Variants in PCSK5 observed in about 807,000 individuals in gnomAD.
PCSK5 encodes proprotein convertase subtilisin/kexin type 5.
Under a neutral mutation model 233.2 loss-of-function variants are expected in PCSK5, and 129 were observed. The ratio of observed to expected loss-of-function variants is 0.55; its 90% confidence interval spans 0.48 to 0.64. The LOEUF is 0.64. PCSK5 is among the 30% of genes least tolerant of loss of function. The pLI is 0.00. For synonymous variants in PCSK5, 825 were observed against 879.2 expected (o/e 0.94, Z 1.09); for missense variants, 2,076 against 2,430.1 (o/e 0.85, Z 3.06).
At chr9:76,318,976 C>T (rs1236056962) in intron 30 of PCSK5, among the ~76,000 whole-genome samples, 1 of 152,152 alleles carries the variant, frequency 6.6e-6, no homozygotes, top group Non-Finnish European at 1.5e-5. Context: ...TCAAACCAAT[C>T]AAATTCACAA....
At chr9:76,060,691 C>G (rs1440287329) in intron 5 of PCSK5, among the ~76,000 whole-genome samples, 1 of 152,084 alleles carries the variant, frequency 6.6e-6, no homozygotes, top group Non-Finnish European at 1.5e-5. Flanking sequence ...GATGAGTAAT[C>G]AGAGTTGAAT....
intron 1 of PCSK5, among the ~76,000 whole-genome samples, chr9:75,894,774 A>T (rs1825743065): frequency 6.6e-6 from 1 of 152,146 alleles, no homozygotes; most frequent in Non-Finnish European, 1.5e-5. Flanking sequence ...ACGGGAATAG[A>T]GGGAGAAGCC....
chr9:76,145,991 T>A (rs1035175682), intron 10 of PCSK5, among the ~76,000 whole-genome samples: 5 of 152,222 alleles, frequency 3.3e-5, no homozygotes, highest in Admixed American at 6.5e-5. Flanking sequence ...CTTTGCAGAA[T>A]CCATCTGGAT....
intron 9 of PCSK5, among the ~76,000 whole-genome samples, chr9:76,122,449 T>C (rs1267083717): frequency 6.6e-6 from 1 of 152,228 alleles, no homozygotes; most frequent in African/African-American, 2.4e-5. Flanking sequence ...AGAATGACAA[T>C]TGAGTAAAGT....
chr9:75,926,631 G>C (rs552577946), intron 1 of PCSK5, among the ~76,000 whole-genome samples: 1 of 152,192 alleles, frequency 6.6e-6, no homozygotes, highest in East Asian at 1.9e-4. Context: ...TCACTGATCT[G>C]TTTTCATTCA....
intron 2 of PCSK5, among the ~76,000 whole-genome samples, chr9:75,932,736 T>C (rs1202631077): frequency 6.6e-6 from 1 of 151,610 alleles, no homozygotes; most frequent in African/African-American, 2.4e-5. Context: ...CATGGAGAGG[T>C]GAGAGGGGAA....
intron 20 of PCSK5, chr9:76,193,944 A>G (rs1824555804): frequency 6.6e-6 from 1 of 152,438 alleles, no homozygotes; most frequent in Non-Finnish European, 1.5e-5. Context: ...TCCACACATC[A>G]TTTACTTCAT....
chr9:76,057,323 C>A (rs1193430907), intron 5 of PCSK5, among the ~76,000 whole-genome samples: 2 of 151,996 alleles, frequency 1.3e-5, no homozygotes, highest in African/African-American at 4.8e-5. Context: ...TGCTCTATAA[C>A]TTGTTTTAAA....
At chr9:76,178,809 C>T (rs889311716) in intron 14 of PCSK5, among the ~76,000 whole-genome samples, 2 of 152,170 alleles carry the variant, frequency 1.3e-5, no homozygotes, top group African/African-American at 4.8e-5. Context: ...TTAAAAACTT[C>T]TATAACTAGC....
chr9:76,135,933 G>T (rs1292930872), intron 10 of PCSK5, among the ~76,000 whole-genome samples: 1 of 152,052 alleles, frequency 6.6e-6, no homozygotes, highest in African/African-American at 2.4e-5. Flanking sequence ...ACCTCTGTTG[G>T]TTTAGGAGAG....
At chr9:76,236,753 ATC>A (rs1302622825) in intron 22 of PCSK5, among the ~76,000 whole-genome samples, 1 of 152,140 alleles carries the variant, frequency 6.6e-6, no homozygotes, top group Non-Finnish European at 1.5e-5. Context: ...ACCCCCTGAA[ATC>A]TCTGTTCTTT....
rs756647719 is a variant in PCSK5, at chr9:76,338,382, A to G, written c.4901A>G (p.His1634Arg). The change falls in exon 35 of 38, where the codon CAT becomes CGT. Residue 1634 changes from histidine to arginine, a missense_variant. Transcript: ENST00000674117. ...KGECHRSCPD[H>R]YYVEQSTQTC... Reference sequence around the variant, plus strand: ...GAGTGTCATCGCTCCTGCCCAGACCATTACTATGTAGAGCAAAGCACACAG... The same window carrying G: ...GAGTGTCATCGCTCCTGCCCAGACCGTTACTATGTAGAGCAAAGCACACAG... 6.2e-7 allele frequency: 1 copy of G among 1,612,482 alleles called. No homozygotes were observed. The highest frequency in any genetic ancestry group is 1.3e-5 in the African/African-American group (1 of 74,874).
Position 76,053,733 on chromosome 9 carries a change from C to G in PCSK5, c.633-14222C>G, listed in dbSNP as rs148164087. On this transcript the variant is annotated intron_variant, in intron 5 of 37. Transcript: ENST00000674117. ...TATGAGCATTTTAGTCAAAGCCATT[C>G]AACATGTCTCTACGAAGTTCCAAAC... Among the ~76,000 whole-genome samples, 433 of 152,270 alleles carry G rather than the reference C, an allele frequency of 2.8e-3. 4 individuals are homozygous for G. Among genetic ancestry groups the G allele is most frequent in the African/African-American group, 0.01 (417 of 41,548 alleles).
intron 14 of PCSK5, among the ~76,000 whole-genome samples, chr9:76,176,782 T>C (rs900136177): frequency 6.6e-6 from 1 of 152,220 alleles, no homozygotes; most frequent in Non-Finnish European, 1.5e-5. Context: ...ATATGGCCAC[T>C]TTGCTTAACT....
At chr9:75,951,096 A>G (rs1824836210) in intron 2 of PCSK5, among the ~76,000 whole-genome samples, 1 of 152,248 alleles carries the variant, frequency 6.6e-6, no homozygotes, top group Non-Finnish European at 1.5e-5. Flanking sequence ...GTATTAACTG[A>G]TGGAAACAGG....
At chr9:75,942,882 C>CTT (rs35508069) in intron 2 of PCSK5, among the ~76,000 whole-genome samples, 12,771 of 112,258 alleles carry the variant, frequency 0.11, 1,116 homozygotes, top group Non-Finnish European at 0.17. Context: ...TTTTCTTCTT[C>CTT]TTCTTTTTTT....
At chr9:76,209,670 AG>A (rs1168907495) in intron 20 of PCSK5, among the ~76,000 whole-genome samples, 7 of 152,194 alleles carry the variant, frequency 4.6e-5, no homozygotes, top group African/African-American at 1.7e-4. Context: ...GTTGTGGTCT[AG>A]ATCACAGAAA....
At chr9:75,974,482 C>A (rs1825932739) in intron 2 of PCSK5, among the ~76,000 whole-genome samples, 1 of 152,128 alleles carries the variant, frequency 6.6e-6, no homozygotes, top group South Asian at 2.1e-4. Context: ...GGATTTTGGA[C>A]AGCATTTTTC....
chr9:75,975,040 A>G (rs1242804992), intron 2 of PCSK5, among the ~76,000 whole-genome samples: 1 of 152,226 alleles, frequency 6.6e-6, no homozygotes, highest in African/African-American at 2.4e-5. Context: ...AGATTGAAAG[A>G]TGCTGGAAAG....
Sources: allele counts gnomAD v4.1 joint callset (sites outside exome capture counted in the v4.1 genomes callset), GRCh38; gene constraint gnomAD v4.1.1; transcripts MANE v1.5; gene names NCBI Gene and HGNC (gene_info 2026-07-23, HGNC 2026-07-21).